Variants in DPYD observed in about 807,000 individuals in gnomAD.
DPYD encodes dihydropyrimidine dehydrogenase.
DPYD carries 109 observed loss-of-function variants against 116.2 expected under a neutral mutation model. That is an observed-to-expected ratio of 0.94 (90% CI 0.80 to 1.10). The LOEUF is 1.10. Ranked by LOEUF, DPYD falls within the 50% of genes least tolerant of loss-of-function variation. The probability of loss-of-function intolerance (pLI) is 0.00; values close to 1 mark genes in which losing one functional copy is unlikely to be tolerated. For synonymous variants in DPYD, 440 were observed against 432.0 expected (o/e 1.02, Z -0.23); for missense variants, 1,302 against 1,254.5 (o/e 1.04, Z -0.57).
At chr1:97,827,081 T>G (rs994417739) in intron 3 of DPYD, among the ~76,000 whole-genome samples, 1 of 152,038 alleles carries the variant, frequency 6.6e-6, no homozygotes, top group Non-Finnish European at 1.5e-5. Flanking sequence ...TCCTGCTGCT[T>G]GCATGGTAAA....
In DPYD at chr1:97,379,710, C is replaced by G. The variant is rs554703826; in HGVS notation, c.1974+2683G>C. Among the ~76,000 whole-genome samples, 5 of 152,314 alleles carry G rather than the reference C, an allele frequency of 3.3e-5. No homozygotes were observed. In the South Asian group the frequency reaches 1.0e-3, roughly 32 times the overall value. On this transcript the variant is annotated intron_variant, in intron 15 of 22. Coordinates refer to ENST00000370192, the MANE Select transcript of DPYD (RefSeq NM_000110.4). ...ATGCTAGCAAATCTAGCTTCCCTAG[C>G]AGCTGCCCTGAAGGGGCAGGACATG... is the stretch of plus-strand genomic sequence containing the variant.
chr1:97,388,962 G>T (rs1041636006), intron 14 of DPYD, among the ~76,000 whole-genome samples: 1 of 152,024 alleles, frequency 6.6e-6, no homozygotes, highest in African/African-American at 2.4e-5. Flanking sequence ...GATAGAAGAC[G>T]AGTAGAGAGA....
In DPYD at chr1:97,237,141, T is replaced by C. The variant is rs551190105; in HGVS notation, c.2300-2147A>G. 9.1e-4 allele frequency among the ~76,000 whole-genome samples: 133 copies of C among 146,700 alleles called. 1 individual carries two copies. Among genetic ancestry groups the C allele is most frequent in the African/African-American group, 3.2e-3 (127 of 39,492 alleles). ...CTGTAATCCCAGCTACCCAGGAGGC[T>C]GAGGCAGGAGAATTGCTGGAACCCA... On this transcript the variant is annotated intron_variant, in intron 18 of 22. Transcript: ENST00000370192.
At chr1:97,745,331 T>G (rs1288234071) in intron 3 of DPYD, among the ~76,000 whole-genome samples, 1 of 152,126 alleles carries the variant, frequency 6.6e-6, no homozygotes, top group Non-Finnish European at 1.5e-5. Context: ...GATATTTATT[T>G]GTATTTACAA....
intron 20 of DPYD, among the ~76,000 whole-genome samples, chr1:97,103,270 T>C (rs1650881879): frequency 6.6e-6 from 1 of 152,162 alleles, no homozygotes; most frequent in Admixed American, 6.6e-5. Flanking sequence ...TACTTACATT[T>C]GATGCTGATT....
intron 3 of DPYD, among the ~76,000 whole-genome samples, chr1:97,753,130 A>T (rs1453954876): frequency 6.6e-6 from 1 of 152,216 alleles, no homozygotes; most frequent in Non-Finnish European, 1.5e-5. Flanking sequence ...TAACTCATTT[A>T]ATTTTCATAA....
chr1:97,746,615 T>A (rs1383671276), intron 3 of DPYD, among the ~76,000 whole-genome samples: 1 of 152,120 alleles, frequency 6.6e-6, no homozygotes, highest in Non-Finnish European at 1.5e-5. Flanking sequence ...AAAAATAGGC[T>A]TTTGGTATAC....
chr1:97,862,042 T>C (rs1671143705), intron 2 of DPYD, among the ~76,000 whole-genome samples: 1 of 151,860 alleles, frequency 6.6e-6, no homozygotes, highest in African/African-American at 2.4e-5. Context: ...ATCCTTACTA[T>C]TATTTAATCA....
intron 13 of DPYD, among the ~76,000 whole-genome samples, chr1:97,456,627 G>A (rs1473717688): frequency 6.6e-6 from 1 of 152,012 alleles, no homozygotes; most frequent in Non-Finnish European, 1.5e-5. Context: ...AACTATGTCT[G>A]GCAGGATAAA....
chr1:97,160,514 G>T (rs1422514941), intron 20 of DPYD, among the ~76,000 whole-genome samples: 4 of 152,088 alleles, frequency 2.6e-5, no homozygotes, highest in African/African-American at 4.8e-5. Flanking sequence ...AAGTAAGGGG[G>T]TGTTCGATGA....
chr1:97,786,853 A>C (rs572008400), intron 3 of DPYD, among the ~76,000 whole-genome samples: 1 of 152,362 alleles, frequency 6.6e-6, no homozygotes, highest in East Asian at 1.9e-4. Context: ...TATACCTGAA[A>C]GAATTTGGGT....
At chr1:97,808,584 T>C (rs1668194856) in intron 3 of DPYD, among the ~76,000 whole-genome samples, 2 of 152,068 alleles carry the variant, frequency 1.3e-5, no homozygotes, top group African/African-American at 4.8e-5. Flanking sequence ...TGTAGTTTCA[T>C]TTATTTCTTC....
At chr1:97,265,232 T>G (rs1450774688) in intron 18 of DPYD, among the ~76,000 whole-genome samples, 1 of 152,172 alleles carries the variant, frequency 6.6e-6, no homozygotes, top group Non-Finnish European at 1.5e-5. Context: ...TATTGCATGA[T>G]TGGCACTGTT....
At chr1:97,244,528 G>GA (rs2100785045) in intron 18 of DPYD, among the ~76,000 whole-genome samples, 1 of 152,062 alleles carries the variant, frequency 6.6e-6, no homozygotes, top group Admixed American at 6.6e-5. Context: ...AAGAATTACT[G>GA]AATTAAGGAC....
intron 2 of DPYD, among the ~76,000 whole-genome samples, chr1:97,835,628 A>T (rs1470614705): frequency 6.6e-6 from 1 of 152,090 alleles, no homozygotes; most frequent in African/African-American, 2.4e-5. Flanking sequence ...TTTTAATCAT[A>T]ATTTCATATT....
chr1:97,460,530 T>A (rs1676958610), intron 13 of DPYD, among the ~76,000 whole-genome samples: 1 of 152,190 alleles, frequency 6.6e-6, no homozygotes, highest in African/African-American at 2.4e-5. Flanking sequence ...GTTGATATGC[T>A]GAGTACTTTG....
chr1:97,548,861 G>A (rs1651105308), intron 12 of DPYD, among the ~76,000 whole-genome samples: 1 of 152,016 alleles, frequency 6.6e-6, no homozygotes, highest in South Asian at 2.1e-4. Flanking sequence ...GACCTTATCT[G>A]GTCCAAATGA....
At chr1:97,289,172 C>T (rs1047348792) in intron 18 of DPYD, among the ~76,000 whole-genome samples, 5 of 152,198 alleles carry the variant, frequency 3.3e-5, no homozygotes, top group African/African-American at 1.2e-4. Context: ...CAATAACAGG[C>T]TCTGAAATTG....
At chr1:97,913,966 AT>A (rs1159840411) in intron 1 of DPYD, among the ~76,000 whole-genome samples, 1 of 152,042 alleles carries the variant, frequency 6.6e-6, no homozygotes, top group African/African-American at 2.4e-5. Context: ...GGGATTAATT[AT>A]TGATGAAGAG....
Sources: allele counts gnomAD v4.1 joint callset (sites outside exome capture counted in the v4.1 genomes callset), GRCh38; gene constraint gnomAD v4.1.1; transcripts MANE v1.5; gene names NCBI Gene and HGNC (gene_info 2026-07-23, HGNC 2026-07-21).